RBBP5: variants seen among roughly 807,000 people sequenced by gnomAD.
The protein encoded by RBBP5 is RB binding protein 5, histone lysine methyltransferase complex subunit, also known as retinoblastoma-binding protein 5.
A neutral mutation model predicts 72.2 loss-of-function variants in RBBP5; 5 were observed. The observed-to-expected ratio is 0.07, with a 90% CI of 0.04 to 0.15. The LOEUF is 0.15. RBBP5 is among the 10% of genes least tolerant of loss of function. RBBP5 has a pLI of 1.00. For missense variants in RBBP5, 322 were observed against 652.2 expected, an observed-to-expected ratio of 0.49 and a Z score of 5.51; for synonymous variants, 209 against 237.2, an observed-to-expected ratio of 0.88 and a Z score of 1.09.
At chr1:205,098,367 G>A (rs554996359) in intron 10 of RBBP5, among the ~76,000 whole-genome samples, 7 of 152,232 alleles carry the variant, frequency 4.6e-5, no homozygotes, top group African/African-American at 1.4e-4. Flanking sequence ...TTCTTTGCTA[G>A]GTGCTGCATG....
At chr1:205,088,932 TC>T in intron 13 of RBBP5, 117 bp from the exon 14 acceptor site, 1 of 907,192 alleles carries the variant, frequency 1.1e-6, no homozygotes, top group South Asian at 1.9e-5. Flanking sequence ...ACCAAGAAAT[TC>T]CCCTTTTTAA....
intron 13 of RBBP5, among the ~76,000 whole-genome samples, chr1:205,093,432 C>A (rs1217345521): frequency 2.3e-5 from 3 of 131,120 alleles, no homozygotes; most frequent in African/African-American, 8.8e-5. Context: ...GCAATTCAGC[C>A]TGGGGACAAG....
At chr1:205,089,574 C>A (rs774697122) in intron 13 of RBBP5, among the ~76,000 whole-genome samples, 4 of 152,138 alleles carry the variant, frequency 2.6e-5, no homozygotes, top group Non-Finnish European at 5.9e-5. Flanking sequence ...AAAAAATAAT[C>A]GCCCAAACTA....
At position 205,087,268 on chromosome 1, in the gene RBBP5, C is replaced by G. The variant is rs1655171782; in HGVS notation, c.*1519G>C. 6.6e-6 allele frequency: 1 copy of G among 150,950 alleles called. No individual in the cohort carries two copies. Among genetic ancestry groups the G allele is most frequent in the African/African-American group, 2.4e-5 (1 of 41,060 alleles). The allele number at this position is 150,950 out of a possible 1,614,324, so 9.4% of individuals were successfully genotyped here. ...CTGGAGGGCAGTGGTGCGATCTCCA[C>G]TCACTGCAACCTCTGCCTCCCACGT... On this transcript the variant is annotated 3_prime_UTR_variant, in exon 14 of 14. Transcript: ENST00000264515.
chr1:205,120,345 G>A (rs78110766), intron 1 of RBBP5, among the ~76,000 whole-genome samples: 10,346 of 152,082 alleles, frequency 0.068, 568 homozygotes, highest in African/African-American at 0.13. Flanking sequence ...TTTGAGCTAG[G>A]CATTCGAGAA....
intron 3 of RBBP5, among the ~76,000 whole-genome samples, chr1:205,113,886 T>C (rs1045975549): frequency 4.6e-5 from 7 of 151,928 alleles, no homozygotes; most frequent in African/African-American, 1.4e-4. Flanking sequence ...GGTTTCACCA[T>C]GTTGGCCAGG....
chr1:205,097,191 T>G (rs1043523416), intron 11 of RBBP5, 135 bp downstream of exon 11: 7 of 883,300 alleles, frequency 7.9e-6, no homozygotes, highest in Non-Finnish European at 1.2e-5. Context: ...TTGGATTTCT[T>G]GTACACCAAA....
intron 13 of RBBP5, among the ~76,000 whole-genome samples, chr1:205,090,913 GA>G (rs1043522841): frequency 9.9e-5 from 15 of 151,642 alleles, no homozygotes; most frequent in Admixed American, 3.3e-4. Context: ...GAGAAAAAAA[GA>G]AAACAAAACT....
At chr1:205,096,124 C>T (rs779453720) in intron 12 of RBBP5, among the ~76,000 whole-genome samples, 72 of 152,076 alleles carry the variant, frequency 4.7e-4, no homozygotes, top group Admixed American at 3.3e-4. Flanking sequence ...ACCCGGGAGG[C>T]GGAGGTTGCA....
rs747043188 is a variant in RBBP5 at position 205,095,075 on chromosome 1, G to C, written c.1397-11C>G. ...GTAGTGGATGGACTTCTGTAGGACA[G>C]ACAGGCATGGAAAGGAATCCACATG... On this transcript the variant is annotated splice_polypyrimidine_tract_variant and intron_variant, in intron 12 of 13. Coordinates refer to ENST00000264515, the MANE Select transcript of RBBP5 (RefSeq NM_005057.4). 1.2e-6 allele frequency: 2 copies of C among 1,613,088 alleles called. No homozygotes were observed. Among genetic ancestry groups the C allele is most frequent in the Non-Finnish European group, 1.7e-6 (2 of 1,179,594 alleles).
intron 13 of RBBP5, among the ~76,000 whole-genome samples, chr1:205,094,083 T>A (rs1183838286): frequency 6.6e-6 from 1 of 152,236 alleles, no homozygotes; most frequent in African/African-American, 2.4e-5. Context: ...AAGAGACCAA[T>A]TAGCCTAGGC....
At chr1:205,118,158 G>C (rs529320012) in intron 1 of RBBP5, among the ~76,000 whole-genome samples, 4 of 152,096 alleles carry the variant, frequency 2.6e-5, no homozygotes, top group Admixed American at 2.0e-4. Flanking sequence ...CTCATTTATT[G>C]TGGTTCCCTA....
chr1:205,114,983 A>T, intron 2 of RBBP5, 22 bp from the exon 3 acceptor site: 1 of 1,565,558 alleles, frequency 6.4e-7, no homozygotes. Flanking sequence ...AACAAATACA[A>T]GAATAGAGGC....
chr1:205,108,518 T>C (rs1656173000), intron 3 of RBBP5, among the ~76,000 whole-genome samples: 1 of 152,080 alleles, frequency 6.6e-6, no homozygotes. Flanking sequence ...CACAAGGGTA[T>C]ACACTCAAAA....
At position 205,099,786 on chromosome 1, in the gene RBBP5, T is replaced by A; in HGVS notation, c.933A>T (p.Ala311=). 2.5e-6 allele frequency: 4 copies of A among 1,613,942 alleles called. No individual in the cohort carries two copies. Among genetic ancestry groups the A allele is most frequent in the Non-Finnish European group, 3.4e-6 (4 of 1,179,796 alleles). The part of the protein sequence containing the change: ...VAWHPVRPII[A]SISSGVVSIW... ...TAGATACCACTCCACTGGAAATGGATGCTATGATGGGTCGAACAGGATGCC... is the reference window on the plus strand; with the variant it reads ...TAGATACCACTCCACTGGAAATGGAAGCTATGATGGGTCGAACAGGATGCC... Residue 311 remains alanine (A), a synonymous_variant, in exon 9 of 14, where the codon GCA becomes GCT. Transcript: ENST00000264515. This position sits in a 1 kb window ranked among gnomAD's most constrained non-coding sequence, Gnocchi z 4.7.
chr1:205,116,914 C>T (rs542137666), intron 1 of RBBP5, among the ~76,000 whole-genome samples: 4 of 152,310 alleles, frequency 2.6e-5, no homozygotes, highest in East Asian at 1.9e-4. Flanking sequence ...ACAAAAGCAG[C>T]GATCACACCC....
At chr1:205,106,384 C>G (rs1656065097) in intron 3 of RBBP5, among the ~76,000 whole-genome samples, 1 of 152,098 alleles carries the variant, frequency 6.6e-6, no homozygotes. Context: ...CACTTGAGGC[C>G]CAGAGTTTGA....
chr1:205,099,913 C>T lies in RBBP5; in HGVS notation c.904G>A (p.Ala302Thr), dbSNP rs748702566. 4 of 1,614,070 alleles carry T rather than the reference C, an allele frequency of 2.5e-6. No individual in the cohort carries two copies. Among genetic ancestry groups the T allele is most frequent in the South Asian group, 2.2e-5 (2 of 91,068 alleles). Residue 302 changes from alanine (A) to threonine (T), a missense_variant and splice_region_variant, in exon 8 of 14, where the codon GCT becomes ACT. By Grantham distance (58) the Ala-to-Thr change is moderately conservative. Coordinates refer to ENST00000264515, the MANE Select transcript of RBBP5 (RefSeq NM_005057.4). This position sits in a 1 kb window ranked among gnomAD's most constrained non-coding sequence, Gnocchi z 4.7. ...GTRGELLLDVAWHPVRPIIAS... is the reference protein window; with the variant it reads ...GTRGELLLDVTWHPVRPIIAS... ...AAGCAATGTCCTAATGTACTCACAG[C>T]TACATCCAAGAGGAGTTCTCCTCTC...
chr1:205,093,791 T>G (rs925645244), intron 13 of RBBP5, among the ~76,000 whole-genome samples: 1 of 152,060 alleles, frequency 6.6e-6, no homozygotes, highest in African/African-American at 2.4e-5. Flanking sequence ...AGAGAATTCA[T>G]GTTTACAGAC....
Sources: gnomAD v4.1 joint callset for allele counts (sites outside exome capture counted in the v4.1 genomes callset) on GRCh38, gnomAD v4.1.1 for gene constraint, Gnocchi (gnomAD v3.1) non-coding constraint, MANE v1.5 for transcripts, NCBI Gene and HGNC (gene_info 2026-07-23, HGNC 2026-07-21) for gene names.